Variants in PABPN1L observed in about 807,000 individuals in gnomAD.
PABPN1L encodes the protein PABPN1 like, cytoplasmic, also known as embryonic polyadenylate-binding protein 2.
Under a neutral mutation model 34.0 loss-of-function variants are expected in PABPN1L, and 45 were observed. The observed-to-expected ratio is 1.32, with a 90% CI of 1.04 to 1.70. The LOEUF (loss-of-function observed/expected upper bound fraction) is 1.70, where lower values mean the gene tolerates loss of function less well. Ranked by LOEUF, PABPN1L falls within the 40% of genes most tolerant of loss-of-function variation. The pLI is 0.00. For missense variants in PABPN1L, 459 were observed against 367.8 expected, an observed-to-expected ratio of 1.25 and a Z score of -2.03; for synonymous variants, 182 against 152.1, an observed-to-expected ratio of 1.20 and a Z score of -1.45.
upstream of PABPN1L, among the ~76,000 whole-genome samples, chr16:88,869,164 A>T (rs891736351): frequency 7.2e-5 from 11 of 152,152 alleles, no homozygotes; most frequent in Non-Finnish European, 1.6e-4. Flanking sequence ...AGGTCCCGAA[A>T]TTCTGTTTTC....
exon 3 of PABPN1L, chr16:88,865,591 G>T: frequency 6.2e-7 from 1 of 1,611,826 alleles, no homozygotes; most frequent in African/African-American, 1.3e-5. Context: ...TCTGTGGTCA[G>T]CCTCCACCTT....
upstream of PABPN1L, among the ~76,000 whole-genome samples, chr16:88,870,082 CCT>C (rs1968668873): frequency 6.6e-6 from 1 of 152,046 alleles, no homozygotes; most frequent in Non-Finnish European, 1.5e-5. Flanking sequence ...CCCTGTGTCC[CCT>C]CAGTTTTCAT....
upstream of PABPN1L, among the ~76,000 whole-genome samples, chr16:88,868,592 T>C (rs534048664): frequency 6.6e-6 from 1 of 151,188 alleles, no homozygotes; most frequent in African/African-American, 2.4e-5. Context: ...GGCGACGGAG[T>C]GAGACTGTCT....
chr16:88,864,312 G>A lies in PABPN1L; in HGVS notation c.722C>T (p.Pro241Leu), dbSNP rs571282413. The change falls in exon 6 of 7, where the codon CCA becomes CTA. Residue 241 changes from proline (P) to leucine (L), a missense_variant. By Grantham distance (98) the Pro-to-Leu change is moderately conservative. Transcript: ENST00000419291. ...GGGGAAGGGTGCCCCCCTGGAGCCT[G>A]GGTGTCCTCGAAGGCCCCCGCGGTC... The A allele has an allele frequency of 1.7e-5, 27 of 1,555,532 alleles. No individual in the cohort carries two copies. The South Asian group carries it at 3.0e-4, about 17-fold the overall frequency.
At chr16:88,866,592 C>T (rs757398578) in exon 1 of PABPN1L, 37 of 1,548,392 alleles carry the variant, frequency 2.4e-5, no homozygotes, top group Middle Eastern at 1.7e-4. Context: ...GAGAGCGGCT[C>T]GGGAAGGGCC....
rs1968575364 is a variant in PABPN1L, at chr16:88,865,711, G to C, written c.392-81C>G. 7 of 1,554,474 alleles carry C rather than the reference G, an allele frequency of 4.5e-6. No homozygotes were observed. In the East Asian group the frequency reaches 1.1e-4, roughly 25 times the overall value. On this transcript the variant is annotated intron_variant, in intron 2 of 6. Coordinates refer to ENST00000419291, the Ensembl canonical transcript of PABPN1L. ...ACGGGGAAGGTCGCCCAGGCTTATA[G>C]GGGAGGTGACACCTTGGAGCCTGCC...
At chr16:88,866,655 C>T, upstream of PABPN1L, 1 of 1,481,588 alleles carries the variant, frequency 6.7e-7, no homozygotes, top group Non-Finnish European at 9.0e-7. Context: ...CCCCTCCACT[C>T]CCCTCGCGTC....
rs762855227 is a variant in PABPN1L, at chr16:88,864,945, G to C, written c.567-5C>G. The C allele has an allele frequency of 6.3e-7, 1 of 1,592,374 alleles. No homozygotes were observed. On this transcript the variant is annotated splice_polypyrimidine_tract_variant and splice_region_variant and intron_variant, in intron 4 of 6. Coordinates refer to ENST00000419291, the Ensembl canonical transcript of PABPN1L. ...GCAAACTCTATGTAGGCATAACTGA[G>C]GGGAGGGGCAGGGAGGGGAGGGGTG...
chr16:88,863,957 G>T (rs1273641883), intron 6 of PABPN1L, among the ~76,000 whole-genome samples, 162 bp from the exon 7 acceptor site: 1 of 152,188 alleles, frequency 6.6e-6, no homozygotes, highest in African/African-American at 2.4e-5. Context: ...CTCTTGGGAG[G>T]GTCCCACGAA....
At chr16:88,865,806 C>G in exon 2 of PABPN1L, 1 of 1,602,996 alleles carries the variant, frequency 6.2e-7, no homozygotes. Flanking sequence ...TGGTTCCTAC[C>G]CACGGTCTCA....
chr16:88,863,509 C>T (rs1050946657), exon 7 of PABPN1L: 7 of 602,580 alleles, frequency 1.2e-5, no homozygotes, highest in South Asian at 3.9e-5. Flanking sequence ...CGCAGATCCC[C>T]GTGGGGCCCA....
chr16:88,866,676 C>G (rs59556256), upstream of PABPN1L: 3,157 of 1,456,342 alleles, frequency 2.2e-3, 40 homozygotes, highest in African/African-American at 0.028. Context: ...CGCACCTGCC[C>G]AGGCTCTCCT....
At chr16:88,866,331 G>C (rs1268058946) in intron 1 of PABPN1L, 21 bp downstream of exon 1, 2 of 1,544,128 alleles carry the variant, frequency 1.3e-6, no homozygotes, top group African/African-American at 2.7e-5. Context: ...GAGATCCCCA[G>C]GGCCTCCACA....
intron 2 of PABPN1L, 24 bp downstream of exon 2, chr16:88,865,782 G>T (rs376431953): frequency 7.2e-5 from 115 of 1,589,856 alleles, no homozygotes; most frequent in Non-Finnish European, 9.6e-5. Flanking sequence ...TCAGTGGGGG[G>T]CGGCCTGTGC....
chr16:88,867,621 T>C (rs28507584), upstream of PABPN1L, among the ~76,000 whole-genome samples: 14,013 of 150,898 alleles, frequency 0.093, 1,515 homozygotes, highest in African/African-American at 0.26. Flanking sequence ...GCGTGAGTTA[T>C]TGTGGGGCGG....
At chr16:88,864,746 G>C in intron 5 of PABPN1L, 107 bp downstream of exon 5, 1 of 1,247,556 alleles carries the variant, frequency 8.0e-7, no homozygotes, top group Non-Finnish European at 1.1e-6. Flanking sequence ...CACCGTGCCT[G>C]AGACACGCTG....
At chr16:88,866,693 T>C (rs569641204), upstream of PABPN1L, 15 of 1,439,076 alleles carry the variant, frequency 1.0e-5, no homozygotes, top group African/African-American at 1.1e-4. Context: ...TCCTGGAGTT[T>C]TAAGCCCTCC....
chr16:88,866,663 G>A (rs975685251), upstream of PABPN1L: 14 of 1,471,752 alleles, frequency 9.5e-6, no homozygotes, highest in South Asian at 2.8e-5. Context: ...CTCCCCTCGC[G>A]TCCGCACCTG....
At chr16:88,866,739 AGGCTGAGTGG>A, upstream of PABPN1L, 1 of 1,282,376 alleles carries the variant, frequency 7.8e-7, no homozygotes, top group Non-Finnish European at 1.0e-6. Context: ...GCATTTGCAA[AGGCTGAGTGG>A]GGCTGAGCTT....
Sources: gnomAD v4.1 joint callset for allele counts (sites outside exome capture counted in the v4.1 genomes callset) on GRCh38, gnomAD v4.1.1 for gene constraint, MANE v1.5 for transcripts, NCBI Gene and HGNC (gene_info 2026-07-23, HGNC 2026-07-21) for gene names.